Variants in NAV2 observed in about 807,000 individuals in gnomAD.
The protein encoded by NAV2 is neuron navigator 2.
Under a neutral mutation model 223.2 loss-of-function variants are expected in NAV2, and 54 were observed. That is an observed-to-expected ratio of 0.24 (90% CI 0.19 to 0.30). NAV2 has a LOEUF of 0.30. NAV2 is among the 10% of genes least tolerant of loss of function. The pLI is 1.00. For synonymous variants in NAV2, 1,279 were observed against 1,239.3 expected, an observed-to-expected ratio of 1.03 and a Z score of -0.67; for missense variants, 2,806 against 3,147.5, an observed-to-expected ratio of 0.89 and a Z score of 2.60.
At chr11:19,777,506 A>G (rs1255091695) in intron 1 of NAV2, 52 of 452,928 alleles carry the variant, frequency 1.1e-4, no homozygotes, top group African/African-American at 1.0e-3. Context: ...GAATAACACC[A>G]CCATGAAGCT....
rs778868432 is a variant in NAV2 at position 19,984,159 on chromosome 11, C to G, written c.2680C>G (p.Arg894Gly). ...MTDGGLGLYT[R>G]RLNRLPDGMA... ...TGATGGTGGACTTGGCCTCTATACC[C>G]GTCGCCTGAACCGGCTCCCTGATGG... Residue 894 changes from arginine to glycine, a missense_variant, in exon 11 of 38, where the codon CGT (arginine) becomes GGT (glycine). Physicochemically the swap from Arg to Gly is moderately radical, Grantham distance 125. Around this residue, in one of 4 missense-constraint regions of NAV2, gnomAD observed 1,167 missense variants for 1,180.5 expected, o/e 0.99. Transcript: ENST00000349880. 3 of 1,614,148 alleles carry G rather than the reference C, an allele frequency of 1.9e-6. No homozygotes were observed. Among genetic ancestry groups the G allele is most frequent in the Admixed American group, 1.7e-5 (1 of 60,022 alleles).
At chr11:19,466,324 A>T (rs1458347628) in intron 1 of NAV2, among the ~76,000 whole-genome samples, 1 of 152,094 alleles carries the variant, frequency 6.6e-6, no homozygotes, top group African/African-American at 2.4e-5. Context: ...TCTCTACCAA[A>T]TGCCCCAATC....
intron 1 of NAV2, among the ~76,000 whole-genome samples, chr11:19,411,010 A>G (rs1384082991): frequency 6.6e-6 from 1 of 152,158 alleles, no homozygotes; most frequent in Non-Finnish European, 1.5e-5. Context: ...TGCATGGGAA[A>G]GGCTCCCCTA....
intron 1 of NAV2, among the ~76,000 whole-genome samples, chr11:19,406,561 C>G (rs1366359980): frequency 6.6e-6 from 1 of 152,094 alleles, no homozygotes; most frequent in Admixed American, 6.5e-5. Context: ...CTCTGGTATC[C>G]CTGCCCCGCC....
At position 20,055,972 on chromosome 11, in the gene NAV2, G is replaced by T; in HGVS notation, c.4831+15G>T. ...GTTTGAAGAAGGTAAGGAAGGAAAG[G>T]AAGAAGGTAAGGAAGGAAACTTCCA... On this transcript the variant is annotated intron_variant, in intron 19 of 37. Transcript: ENST00000349880. 6.2e-7 allele frequency: 1 copy of T among 1,608,302 alleles called. No individual in the cohort carries two copies.
intron 11 of NAV2, among the ~76,000 whole-genome samples, chr11:19,995,391 C>G (rs149700205): frequency 6.6e-6 from 1 of 152,322 alleles, no homozygotes; most frequent in East Asian, 1.9e-4. Flanking sequence ...TTCATGTGTA[C>G]AACTCCAGCA....
At chr11:19,745,020 A>C (rs1804149613) in intron 1 of NAV2, among the ~76,000 whole-genome samples, 1 of 152,226 alleles carries the variant, frequency 6.6e-6, no homozygotes, top group Non-Finnish European at 1.5e-5. Context: ...ATCAAAGTAC[A>C]TGCTTTTTAG....
intron 1 of NAV2, among the ~76,000 whole-genome samples, chr11:19,798,292 G>A (rs1405037612): frequency 6.6e-6 from 1 of 152,182 alleles, no homozygotes; most frequent in Non-Finnish European, 1.5e-5. Flanking sequence ...GCTCAGACGT[G>A]ACTGCTTGAC....
chr11:19,932,252 AAAAAAAAAGAAAGAAAAGG>A (rs1315787104), intron 6 of NAV2, among the ~76,000 whole-genome samples: 8 of 149,446 alleles, frequency 5.4e-5, no homozygotes, highest in Non-Finnish European at 8.9e-5. Flanking sequence ...AAAAAAAAAA[AAAAAAAAAGAAAGAAAAGG>A]AAAAAAAAAA....
In NAV2 at chr11:19,741,999, A is replaced by G. The variant is rs1274263101; in HGVS notation, c.267+28037A>G. Among the ~76,000 whole-genome samples the G allele has an allele frequency of 3.3e-5, 4 of 121,274 alleles. 1 individual carries two copies. Among genetic ancestry groups the G allele is most frequent in the African/African-American group, 1.0e-4 (4 of 38,156 alleles). 79.6% of individuals were successfully genotyped at this position (121,274 alleles called of 152,430 possible). On this transcript the variant is annotated intron_variant, in intron 1 of 37. Coordinates refer to ENST00000349880, the MANE Select transcript of NAV2 (RefSeq NM_145117.5). Reference sequence around the variant, plus strand: ...GTTACCTTTTCTCCACATCCTTGCCAACACTTGTTATCTTTTGACTTTTTT... The same window carrying G: ...GTTACCTTTTCTCCACATCCTTGCCGACACTTGTTATCTTTTGACTTTTTT...
At chr11:19,619,903 G>T (rs544697837) in intron 1 of NAV2, among the ~76,000 whole-genome samples, 8 of 152,246 alleles carry the variant, frequency 5.3e-5, no homozygotes, top group African/African-American at 1.7e-4. Flanking sequence ...GGTCTAACAT[G>T]TAAGTCTTTA....
chr11:19,973,537 C>T (rs1412388702), intron 10 of NAV2, among the ~76,000 whole-genome samples: 3 of 152,214 alleles, frequency 2.0e-5, no homozygotes, highest in Admixed American at 6.5e-5. Context: ...AAATTCTCTA[C>T]TTGATCAATC....
At chr11:19,740,896 C>A (rs1351978401) in intron 1 of NAV2, among the ~76,000 whole-genome samples, 1 of 152,178 alleles carries the variant, frequency 6.6e-6, no homozygotes, top group Admixed American at 6.5e-5. Flanking sequence ...CAGCTAGTAA[C>A]CCAGGTATTA....
chr11:19,656,605 T>C (rs1164117355), intron 1 of NAV2, among the ~76,000 whole-genome samples: 1 of 152,168 alleles, frequency 6.6e-6, no homozygotes, highest in African/African-American at 2.4e-5. Flanking sequence ...TGGTTGCTGA[T>C]GGGTGAATAA....
intron 1 of NAV2, among the ~76,000 whole-genome samples, chr11:19,496,312 T>C (rs1350918629): frequency 6.6e-6 from 1 of 152,234 alleles, no homozygotes; most frequent in Non-Finnish European, 1.5e-5. Flanking sequence ...GGGTCAGGAA[T>C]CCAGGAGCAG....
At chr11:19,791,262 C>T (rs935125164) in intron 1 of NAV2, among the ~76,000 whole-genome samples, 2 of 152,186 alleles carry the variant, frequency 1.3e-5, no homozygotes, top group Non-Finnish European at 2.9e-5. Flanking sequence ...CCAGGTTAAC[C>T]ATTACCACCT....
intron 1 of NAV2, among the ~76,000 whole-genome samples, chr11:19,440,769 A>G (rs1161625827): frequency 2.6e-5 from 4 of 152,292 alleles, no homozygotes; most frequent in African/African-American, 9.6e-5. Context: ...TAGGTGATTG[A>G]CTAACTCAAT....
At chr11:19,983,863 G>A (rs748373586) in intron 10 of NAV2, among the ~76,000 whole-genome samples, 11 of 152,188 alleles carry the variant, frequency 7.2e-5, no homozygotes, top group African/African-American at 1.4e-4. Flanking sequence ...TCCCGTCTGC[G>A]TCGTAGGTAC....
chr11:19,434,654 A>T (rs1302016873), intron 1 of NAV2, among the ~76,000 whole-genome samples: 2 of 152,214 alleles, frequency 1.3e-5, no homozygotes, highest in Non-Finnish European at 2.9e-5. Flanking sequence ...ACAGCTCCTA[A>T]GGCATTTTCC....
Sources: allele counts gnomAD v4.1 joint callset (sites outside exome capture counted in the v4.1 genomes callset), GRCh38; gene constraint gnomAD v4.1.1; regional missense constraint gnomAD v4.1.1; transcripts MANE v1.5; gene names NCBI Gene and HGNC (gene_info 2026-07-23, HGNC 2026-07-21).